Variants in TFEB observed in about 807,000 individuals in gnomAD.
The protein encoded by TFEB is transcription factor EB, also known as T-cell transcription factor EB.
Under a neutral mutation model 48.0 loss-of-function variants are expected in TFEB, and 12 were observed. The ratio of observed to expected loss-of-function variants is 0.25; its 90% confidence interval spans 0.16 to 0.40. The LOEUF (loss-of-function observed/expected upper bound fraction) is 0.40. Among genes scored for constraint, TFEB ranks in the 10% least tolerant of loss-of-function variants. The pLI is 1.00. For synonymous variants in TFEB, 244 were observed against 261.4 expected, an observed-to-expected ratio of 0.93 and a Z score of 0.64; for missense variants, 509 against 640.3, an observed-to-expected ratio of 0.79 and a Z score of 2.21.
At position 41,692,446 on chromosome 6, in the gene TFEB, C is replaced by T. The variant is rs79304991; in HGVS notation, c.-22-1211G>A. Among the ~76,000 whole-genome samples the T allele has an allele frequency of 2.6e-5, 4 of 152,326 alleles. No homozygotes were observed. In the East Asian group the frequency reaches 7.7e-4, roughly 29 times the overall value. On this transcript the variant is annotated intron_variant, in intron 1 of 8. Coordinates refer to ENST00000373033, the MANE Select transcript of TFEB (RefSeq NM_001271944.2). Reference sequence around the variant, plus strand: ...CTTAGGAGGGCCTGTATGGGGAGGGCCACTTCCAGGCACCTGGCACTGCCA... The same window carrying T: ...CTTAGGAGGGCCTGTATGGGGAGGGTCACTTCCAGGCACCTGGCACTGCCA...
chr6:41,696,879 A>C (rs1200904217), intron 1 of TFEB, among the ~76,000 whole-genome samples: 2 of 152,180 alleles, frequency 1.3e-5, no homozygotes, highest in Non-Finnish European at 2.9e-5. Flanking sequence ...GAGTTCAAAA[A>C]AACGCAACAT....
intron 1 of TFEB, among the ~76,000 whole-genome samples, chr6:41,697,311 G>A (rs919662008): frequency 6.8e-5 from 10 of 147,758 alleles, no homozygotes; most frequent in Non-Finnish European, 1.3e-4. Flanking sequence ...GGGAGGCTGA[G>A]GCAGGAGAAT....
intron 1 of TFEB, among the ~76,000 whole-genome samples, chr6:41,700,523 G>C (rs1769860193): frequency 6.6e-6 from 1 of 151,848 alleles, no homozygotes; most frequent in Non-Finnish European, 1.5e-5. Context: ...AGGAAGCAGA[G>C]GCTCCAAAAG....
Position 41,691,527 on chromosome 6 carries a change from G to T in TFEB, c.-22-292C>A. 2 of 612,504 alleles carry T rather than the reference G, an allele frequency of 3.3e-6. No homozygotes were observed. Among genetic ancestry groups the T allele is most frequent in the Non-Finnish European group, 6.1e-6 (2 of 328,274 alleles). 37.9% of individuals were successfully genotyped at this position (612,504 alleles called of 1,614,324 possible). ...CAACTTCCACTCCTCTCTGTGTCAC[G>T]CCCACATCCTGATCCTGTTAGATCC... is the stretch of plus-strand genomic sequence containing the variant. On this transcript the variant is annotated intron_variant, in intron 1 of 8. Transcript: ENST00000373033. The surrounding 1 kb of genome is among the most constrained non-coding windows in gnomAD (Gnocchi z 5.2).
intron 1 of TFEB, among the ~76,000 whole-genome samples, chr6:41,728,339 C>T (rs1422580848): frequency 6.6e-6 from 1 of 152,142 alleles, no homozygotes; most frequent in African/African-American, 2.4e-5. Flanking sequence ...GGGCCTCGAT[C>T]CCCTCCTCTT....
chr6:41,706,941 G>C (rs1770254645), intron 1 of TFEB, among the ~76,000 whole-genome samples: 1 of 152,174 alleles, frequency 6.6e-6, no homozygotes, highest in Non-Finnish European at 1.5e-5. Flanking sequence ...ACAGAGCGAG[G>C]AGTGGGGTGT....
At chr6:41,719,646 C>A (rs1770894668) in intron 1 of TFEB, among the ~76,000 whole-genome samples, 1 of 152,180 alleles carries the variant, frequency 6.6e-6, no homozygotes, top group African/African-American at 2.4e-5. Context: ...CCCATTTATT[C>A]GGCCCTTATT....
At chr6:41,685,404 G>A (rs1007296638) in intron 8 of TFEB, among the ~76,000 whole-genome samples, 5 of 152,198 alleles carry the variant, frequency 3.3e-5, no homozygotes, top group South Asian at 2.1e-4. Context: ...CGAGGGGAGC[G>A]TTACTTCATG....
Position 41,734,502 on chromosome 6 carries a change from G to T in TFEB, c.-23+848C>A. 2.5e-6 allele frequency: 1 copy of T among 399,726 alleles called. No homozygotes were observed. Among genetic ancestry groups the T allele is most frequent in the South Asian group, 1.0e-4 (1 of 9,688 alleles). 24.8% of individuals were successfully genotyped at this position (399,726 alleles called of 1,614,324 possible). On this transcript the variant is annotated intron_variant, in intron 1 of 8. Transcript: ENST00000373033. The surrounding 1 kb of genome is among the most constrained non-coding windows in gnomAD (Gnocchi z 4.0). ...CAGAGCTGGTCGGGACAGCCCAGGG[G>T]TGGGCGGCACGGACTCGGGGGATCG... is the stretch of plus-strand genomic sequence containing the variant.
At chr6:41,732,273 A>G (rs574416336) in intron 1 of TFEB, among the ~76,000 whole-genome samples, 1 of 152,288 alleles carries the variant, frequency 6.6e-6, no homozygotes, top group Admixed American at 6.5e-5. Context: ...GGGACTGAGA[A>G]CACAGACTTT....
intron 1 of TFEB, among the ~76,000 whole-genome samples, chr6:41,714,197 G>A (rs1298205861): frequency 6.6e-6 from 1 of 151,806 alleles, no homozygotes; most frequent in Non-Finnish European, 1.5e-5. Flanking sequence ...GTGCATGCAT[G>A]TGCGTGCATG....
chr6:41,689,587 T>G, intron 4 of TFEB, 144 bp downstream of exon 4: 1 of 632,220 alleles, frequency 1.6e-6, no homozygotes, highest in Non-Finnish European at 2.8e-6. Flanking sequence ...GTCACATTAT[T>G]TAATGAAAAT....
chr6:41,712,622 C>T (rs1770532172), intron 1 of TFEB, among the ~76,000 whole-genome samples: 1 of 152,206 alleles, frequency 6.6e-6, no homozygotes, highest in Non-Finnish European at 1.5e-5. Context: ...TCTTCCTCCT[C>T]ACCAGGGGCC....
chr6:41,716,648 G>T (rs1263792993), intron 1 of TFEB, among the ~76,000 whole-genome samples: 1 of 152,128 alleles, frequency 6.6e-6, no homozygotes, highest in East Asian at 1.9e-4. Flanking sequence ...CCCCAGAAAT[G>T]TCCAAAGGAG....
chr6:41,719,508 C>T (rs963350924), intron 1 of TFEB, among the ~76,000 whole-genome samples: 6 of 152,214 alleles, frequency 3.9e-5, no homozygotes, highest in Admixed American at 2.0e-4. Flanking sequence ...CTTCAACAAC[C>T]CTATTGAGAG....
chr6:41,721,372 TACAC>T (rs58269771), intron 1 of TFEB, among the ~76,000 whole-genome samples: 14,634 of 144,710 alleles, frequency 0.1, 899 homozygotes, highest in East Asian at 0.18. Flanking sequence ...TAGGCACACA[TACAC>T]ACACACACAC....
At chr6:41,690,158 TCTCA>T (rs1769222499) in intron 3 of TFEB, among the ~76,000 whole-genome samples, 1 of 149,742 alleles carries the variant, frequency 6.7e-6, no homozygotes, top group Admixed American at 6.7e-5. Context: ...CGAGAAGGAG[TCTCA>T]CTCTGTCGCC....
At chr6:41,701,464 G>A (rs1327751127) in intron 1 of TFEB, among the ~76,000 whole-genome samples, 1 of 152,212 alleles carries the variant, frequency 6.6e-6, no homozygotes, top group Non-Finnish European at 1.5e-5. Context: ...TTTCCAGAAA[G>A]AGATGCACGG....
At chr6:41,698,800 G>A (rs1240477873) in intron 1 of TFEB, among the ~76,000 whole-genome samples, 1 of 152,126 alleles carries the variant, frequency 6.6e-6, no homozygotes, top group Non-Finnish European at 1.5e-5. Flanking sequence ...GAAGGGAAGA[G>A]AGAAAAAAAT....
Sources: gnomAD v4.1 joint callset for allele counts (sites outside exome capture counted in the v4.1 genomes callset) on GRCh38, gnomAD v4.1.1 for gene constraint, Gnocchi (gnomAD v3.1) non-coding constraint, MANE v1.5 for transcripts, NCBI Gene and HGNC (gene_info 2026-07-23, HGNC 2026-07-21) for gene names.